Variants in INPP4B observed in about 807,000 individuals in gnomAD.
INPP4B encodes inositol polyphosphate-4-phosphatase type II B.
A neutral mutation model predicts 122.5 loss-of-function variants in INPP4B; 55 were observed. The observed-to-expected ratio is 0.45, with a 90% confidence interval of 0.36 to 0.56. The LOEUF (loss-of-function observed/expected upper bound fraction) is 0.56, where lower values mean the gene tolerates loss of function less well. INPP4B is among the 20% of genes least tolerant of loss of function. The pLI is 0.00. For missense variants in INPP4B, 1,000 were observed against 1,097.7 expected (o/e 0.91, Z 1.26); for synonymous variants, 403 against 388.7 (o/e 1.04, Z -0.43).
intron 2 of INPP4B, among the ~76,000 whole-genome samples, chr4:142,475,330 A>G (rs1819630837): frequency 1.3e-5 from 2 of 152,164 alleles, no homozygotes; most frequent in South Asian, 4.1e-4. Flanking sequence ...AAACAAACAA[A>G]AAAACATCTA....
At chr4:142,491,131 G>T (rs1489321140) in intron 2 of INPP4B, among the ~76,000 whole-genome samples, 1 of 151,778 alleles carries the variant, frequency 6.6e-6, no homozygotes, top group Admixed American at 6.6e-5. Flanking sequence ...ATTTTTTGGG[G>T]GCCCCCACAC....
At chr4:142,329,413 G>C (rs1209189919) in intron 7 of INPP4B, among the ~76,000 whole-genome samples, 1 of 152,220 alleles carries the variant, frequency 6.6e-6, no homozygotes, top group African/African-American at 2.4e-5. Context: ...GTGGAAGAAA[G>C]GCAGGGCTCT....
At chr4:142,286,024 C>T (rs553113224) in intron 9 of INPP4B, among the ~76,000 whole-genome samples, 4 of 152,158 alleles carry the variant, frequency 2.6e-5, no homozygotes, top group South Asian at 4.2e-4. Context: ...GACTGAATCA[C>T]GATTTAAGCA....
chr4:142,191,133 T>C (rs993678927), intron 15 of INPP4B, among the ~76,000 whole-genome samples: 1 of 152,152 alleles, frequency 6.6e-6, no homozygotes, highest in African/African-American at 2.4e-5. Flanking sequence ...AGACAAAACA[T>C]ATATGTCACC....
rs565462725 is a variant in INPP4B at position 142,407,608 on chromosome 4, C to T, written c.137-2284G>A. Among the ~76,000 whole-genome samples the T allele has an allele frequency of 5.3e-5, 8 of 152,210 alleles. No homozygotes were observed. In the East Asian group the frequency reaches 9.6e-4, roughly 18 times the overall value. On this transcript the variant is annotated intron_variant, in intron 5 of 25. Transcript: ENST00000262992. ...TTATATTCCACATCTAAAAACAATA[C>T]GGTTACATCTTGTCAGGAAAACAAT...
chr4:142,451,883 T>C (rs936153850), intron 3 of INPP4B, among the ~76,000 whole-genome samples: 1 of 152,170 alleles, frequency 6.6e-6, no homozygotes. Context: ...GAGTAATGTA[T>C]ATGAAGGGAA....
intron 15 of INPP4B, among the ~76,000 whole-genome samples, chr4:142,187,163 T>C (rs1370067026): frequency 6.6e-6 from 1 of 152,044 alleles, no homozygotes; most frequent in Non-Finnish European, 1.5e-5. Flanking sequence ...TTCAAAATGA[T>C]ATATTGTCAG....
intron 2 of INPP4B, chr4:142,514,660 ATAT>A (rs1445229713): frequency 6.6e-6 from 1 of 152,088 alleles, no homozygotes; most frequent in Admixed American, 6.5e-5. Flanking sequence ...CACAATAATA[ATAT>A]TATTAGTTTT....
chr4:142,693,677 AT>A (rs1580720686), intron 2 of INPP4B, among the ~76,000 whole-genome samples: 3 of 152,106 alleles, frequency 2.0e-5, no homozygotes, highest in East Asian at 1.9e-4. Context: ...TACTTACATG[AT>A]TTTTTTCCCT....
At chr4:142,332,933 C>G (rs1054620509) in intron 7 of INPP4B, among the ~76,000 whole-genome samples, 1 of 149,224 alleles carries the variant, frequency 6.7e-6, no homozygotes, top group Non-Finnish European at 1.5e-5. Flanking sequence ...ATGGCGTGAA[C>G]CCAGGAGGCG....
chr4:142,149,238 A>G (rs1355677322), intron 17 of INPP4B, among the ~76,000 whole-genome samples: 6 of 152,232 alleles, frequency 3.9e-5, no homozygotes, highest in African/African-American at 1.4e-4. Flanking sequence ...GGAGGAAAGG[A>G]AGGCAGGTAG....
intron 9 of INPP4B, among the ~76,000 whole-genome samples, chr4:142,289,304 A>G (rs1431289819): frequency 6.6e-6 from 1 of 152,164 alleles, no homozygotes; most frequent in African/African-American, 2.4e-5. Context: ...TAGTTCATTA[A>G]TTCATTCTTA....
At chr4:142,448,056 G>T (rs541894282) in intron 3 of INPP4B, among the ~76,000 whole-genome samples, 37 of 152,090 alleles carry the variant, frequency 2.4e-4, no homozygotes, top group Non-Finnish European at 4.9e-4. Context: ...TAGCAAAACA[G>T]GATAATACAA....
At chr4:142,338,405 T>C (rs1176480796) in intron 7 of INPP4B, among the ~76,000 whole-genome samples, 1 of 151,924 alleles carries the variant, frequency 6.6e-6, no homozygotes, top group Non-Finnish European at 1.5e-5. Context: ...TTAGCTAATT[T>C]TTTTTTGTAT....
At chr4:142,452,477 T>C (rs746047423) in intron 3 of INPP4B, among the ~76,000 whole-genome samples, 6 of 152,206 alleles carry the variant, frequency 3.9e-5, no homozygotes, top group Non-Finnish European at 8.8e-5. Context: ...CCATCTGTTC[T>C]TTGAAAGGGC....
At chr4:142,428,071 C>T (rs929387017) in intron 5 of INPP4B, among the ~76,000 whole-genome samples, 1 of 151,312 alleles carries the variant, frequency 6.6e-6, no homozygotes, top group Non-Finnish European at 1.5e-5. Flanking sequence ...CAATTTTTAG[C>T]TATATTTTTT....
intron 5 of INPP4B, among the ~76,000 whole-genome samples, chr4:142,425,744 G>A (rs749931487): frequency 3.3e-5 from 5 of 151,824 alleles, no homozygotes; most frequent in Admixed American, 1.3e-4. Flanking sequence ...CAGTGGCCTC[G>A]TCTTTCTGTC....
chr4:142,144,936 A>G (rs1385691299), intron 18 of INPP4B, among the ~76,000 whole-genome samples: 1 of 152,072 alleles, frequency 6.6e-6, no homozygotes, highest in African/African-American at 2.4e-5. Context: ...AAGTAAAAGA[A>G]AGAACAGATT....
intron 2 of INPP4B, among the ~76,000 whole-genome samples, chr4:142,585,508 T>C (rs1306733401): frequency 6.6e-6 from 1 of 152,106 alleles, no homozygotes. Context: ...TGTGGGATCA[T>C]CCAGGACAGC....
Sources: gnomAD v4.1 joint callset for allele counts (sites outside exome capture counted in the v4.1 genomes callset) on GRCh38, gnomAD v4.1.1 for gene constraint, MANE v1.5 for transcripts, NCBI Gene and HGNC (gene_info 2026-07-23, HGNC 2026-07-21) for gene names.